Variants in RALB observed in about 807,000 individuals in gnomAD.
The protein encoded by RALB is ras-related protein Ral-B.
A neutral mutation model predicts 21.3 loss-of-function variants in RALB; 16 were observed. The observed-to-expected ratio is 0.75, with a 90% CI of 0.51 to 1.14. RALB has a LOEUF of 1.14. RALB is among the 50% of genes most tolerant of loss of function. The pLI is 0.00. For missense variants in RALB, 161 were observed against 256.2 expected (o/e 0.63, Z 2.54); for synonymous variants, 93 against 96.1 (o/e 0.97, Z 0.19).
chr2:120,285,966 C>T lies in RALB; in HGVS notation c.207C>T (p.Thr69=), dbSNP rs764226453. The T allele has an allele frequency of 3.0e-5, 48 of 1,613,612 alleles. No homozygotes were observed. The highest frequency in any genetic ancestry group is 2.2e-4 in the East Asian group (10 of 44,876). The part of the protein sequence containing the change: ...GEEVQIDILD[T]AGQEDYAAIR... ...AAGTTCAGATAGATATTCTGGACAC[C>T]GCTGGGCAAGAGGACTACGCAGCCA... The change falls in exon 3 of 5, where the codon ACC becomes ACT. Residue 69 remains threonine, a synonymous_variant. Transcript: ENST00000272519.
chr2:120,281,480 T>C (rs1040265589), intron 2 of RALB, among the ~76,000 whole-genome samples: 8 of 152,242 alleles, frequency 5.3e-5, no homozygotes, highest in Non-Finnish European at 1.0e-4. Context: ...TTTACTTTAA[T>C]GTCCAGTATT....
intron 1 of RALB, among the ~76,000 whole-genome samples, chr2:120,271,286 T>G (rs1237498171): frequency 6.6e-6 from 1 of 152,256 alleles, no homozygotes; most frequent in Admixed American, 6.5e-5. Flanking sequence ...GAATATATGT[T>G]CTGGTATTTG....
At chr2:120,265,917 C>T (rs1048668324) in intron 1 of RALB, among the ~76,000 whole-genome samples, 9 of 152,212 alleles carry the variant, frequency 5.9e-5, no homozygotes, top group South Asian at 2.1e-4. Context: ...AATGTCTCCA[C>T]GGCTGCCTCT....
intron 1 of RALB, among the ~76,000 whole-genome samples, chr2:120,273,498 A>G (rs1558952043): frequency 6.6e-6 from 1 of 151,970 alleles, no homozygotes; most frequent in Non-Finnish European, 1.5e-5. Flanking sequence ...AAGGAGGCCT[A>G]TATTTTAGCA....
chr2:120,286,480 T>C (rs1207755343), intron 3 of RALB, among the ~76,000 whole-genome samples: 1 of 152,234 alleles, frequency 6.6e-6, no homozygotes, highest in Non-Finnish European at 1.5e-5. Flanking sequence ...TGTTGAAGGT[T>C]ATGAAACAAT....
At chr2:120,277,410 C>T (rs1268508282) in intron 1 of RALB, among the ~76,000 whole-genome samples, 4 of 150,160 alleles carry the variant, frequency 2.7e-5, no homozygotes, top group East Asian at 2.0e-4. Flanking sequence ...CATGTGAACA[C>T]GCATGTGCAT....
chr2:120,248,968 C>T (rs141474079), upstream of RALB, among the ~76,000 whole-genome samples: 979 of 152,198 alleles, frequency 6.4e-3, 3 homozygotes, highest in Non-Finnish European at 8.1e-3. Context: ...CCATGCCTGA[C>T]CCAGAGTAAT....
chr2:120,293,035 T>C (rs909870087), intron 4 of RALB, 106 bp from the exon 5 acceptor site: 1 of 1,182,274 alleles, frequency 8.5e-7, no homozygotes, highest in Non-Finnish European at 1.1e-6. Flanking sequence ...AATTATTTCA[T>C]TGAATCCTTA....
At chr2:120,289,852 A>G (rs1690266138) in intron 4 of RALB, 95 bp downstream of exon 4, 1 of 1,164,332 alleles carries the variant, frequency 8.6e-7, no homozygotes, top group East Asian at 2.7e-5. Flanking sequence ...CCATTTATGA[A>G]AACTAGGTGA....
rs1690365035 is a variant in RALB at position 120,293,860 on chromosome 2, T to C, written c.*600T>C. ...CAAGCTTCTGATTCCTCCTCACATATGAAAAGTGAAAGTTGTGAGTTGTTT... is the reference window on the plus strand; with the variant it reads ...CAAGCTTCTGATTCCTCCTCACATACGAAAAGTGAAAGTTGTGAGTTGTTT... On this transcript the variant is annotated 3_prime_UTR_variant, in exon 5 of 5. Transcript: ENST00000272519. 6.7e-6 allele frequency: 2 copies of C among 298,118 alleles called. No individual in the cohort carries two copies. Among genetic ancestry groups the C allele is most frequent in the Non-Finnish European group, 1.2e-5 (2 of 163,618 alleles). 18.5% of individuals were successfully genotyped at this position (298,118 alleles called of 1,614,324 possible).
At chr2:120,279,255 T>C (rs1689924043) in intron 2 of RALB, among the ~76,000 whole-genome samples, 2 of 152,092 alleles carry the variant, frequency 1.3e-5, no homozygotes, top group Non-Finnish European at 2.9e-5. Flanking sequence ...TGCCCAAAAT[T>C]TACGTCACCT....
chr2:120,271,107 G>A (rs1013534416), intron 1 of RALB, among the ~76,000 whole-genome samples: 15 of 152,130 alleles, frequency 9.9e-5, no homozygotes, highest in African/African-American at 3.6e-4. Flanking sequence ...ATACTGCAAG[G>A]TGGCATTTGG....
chr2:120,246,121 T>TA (rs1387697378), intron 1 of RALB, among the ~76,000 whole-genome samples: 1 of 152,072 alleles, frequency 6.6e-6, no homozygotes, highest in African/African-American at 2.4e-5. Flanking sequence ...GGGCTGTCTA[T>TA]AAAAAAATCC....
chr2:120,240,842 T>C (rs1395928003), intron 1 of RALB, among the ~76,000 whole-genome samples: 1 of 152,116 alleles, frequency 6.6e-6, no homozygotes, highest in Non-Finnish European at 1.5e-5. Flanking sequence ...TGGGTGAGTG[T>C]GTGGGGACTT....
chr2:120,288,342 G>GTTTTTTTTTGTTTT (rs1690218470), intron 3 of RALB, among the ~76,000 whole-genome samples: 1 of 117,090 alleles, frequency 8.5e-6, no homozygotes, highest in African/African-American at 3.5e-5. Context: ...GAAAATTTTA[G>GTTTTTTTTTGTTTT]TTTTTTTTTT....
chr2:120,247,976 G>A (rs921399201), upstream of RALB, among the ~76,000 whole-genome samples: 4 of 152,230 alleles, frequency 2.6e-5, no homozygotes, highest in African/African-American at 4.8e-5. Flanking sequence ...TTCCTGCACG[G>A]GAATGAGCCT....
At chr2:120,258,898 A>G (rs4549095) in intron 1 of RALB, among the ~76,000 whole-genome samples, 105,343 of 150,678 alleles carry the variant, frequency 0.7, 37,301 homozygotes, top group Middle Eastern at 0.8. Flanking sequence ...TTAAGGTGGC[A>G]CGTCTGGAGT....
chr2:120,258,366 A>G (rs1229025256), intron 1 of RALB, among the ~76,000 whole-genome samples: 2 of 152,018 alleles, frequency 1.3e-5, no homozygotes, highest in Non-Finnish European at 2.9e-5. Context: ...TCCTGAATGC[A>G]GTGTGTGTGT....
chr2:120,267,688 TG>T (rs1293561525), intron 1 of RALB, among the ~76,000 whole-genome samples: 2 of 152,186 alleles, frequency 1.3e-5, no homozygotes, highest in African/African-American at 4.8e-5. Context: ...ACCAGCTGAG[TG>T]GGACTTAGGA....
Sources: allele counts gnomAD v4.1 joint callset (sites outside exome capture counted in the v4.1 genomes callset), GRCh38; gene constraint gnomAD v4.1.1; transcripts MANE v1.5; gene names NCBI Gene and HGNC (gene_info 2026-07-23, HGNC 2026-07-21).